ABCC8: variants seen among roughly 807,000 people sequenced by gnomAD.
ABCC8 encodes ATP binding cassette subfamily C member 8.
Under a neutral mutation model 188.0 loss-of-function variants are expected in ABCC8, and 137 were observed. The ratio of observed to expected loss-of-function variants is 0.73; its 90% CI spans 0.63 to 0.84. The LOEUF is 0.84. Ranked by LOEUF, ABCC8 falls within the 40% of genes least tolerant of loss-of-function variation. The probability of loss-of-function intolerance (pLI) is 0.00; values close to 1 mark genes in which losing one functional copy is unlikely to be tolerated. For missense variants in ABCC8, 1,750 were observed against 2,072.7 expected, an observed-to-expected ratio of 0.84 and a Z score of 3.02; for synonymous variants, 797 against 846.5, an observed-to-expected ratio of 0.94 and a Z score of 1.01.
chr11:17,398,393 G>T lies in ABCC8; in HGVS notation c.3699C>A (p.Asn1233Lys). Residue 1233 changes from asparagine to lysine, a missense_variant, in exon 30 of 39, where the codon AAC becomes AAA. Transcript: ENST00000389817. ...QQKLLEYTDS[N>K]NIASLFLTAA... ...CTGTGAGGAAGAGGGAAGCAATGTT[G>T]TTGGAGTCTGTGTATTCGAGAAGCT... 2 of 1,614,188 alleles carry T rather than the reference G, an allele frequency of 1.2e-6. No homozygotes were observed. The highest frequency in any genetic ancestry group is 1.7e-6 in the Non-Finnish European group (2 of 1,180,018).
chr11:17,403,744 A>G (rs1448184832), intron 28 of ABCC8, among the ~76,000 whole-genome samples: 2 of 152,230 alleles, frequency 1.3e-5, no homozygotes, highest in Non-Finnish European at 2.9e-5. Flanking sequence ...CAAAGGTTTC[A>G]TGAAGCAAAG....
intron 16 of ABCC8, among the ~76,000 whole-genome samples, chr11:17,424,235 G>C (rs887950914): frequency 9.2e-5 from 14 of 151,912 alleles, no homozygotes; most frequent in Non-Finnish European, 4.4e-5. Flanking sequence ...AAAGATGACA[G>C]GTTGATAGGT....
At position 17,474,898 on chromosome 11, in the gene ABCC8, A is replaced by G. The variant is rs758604661; in HGVS notation, c.278T>C (p.Ile93Thr). ...GACAGTCACTCACCCATCAGACAGGATGCCCTCTGCAATCTCACACACCAG... is the reference window on the plus strand; with the variant it reads ...GACAGTCACTCACCCATCAGACAGGGTGCCCTCTGCAATCTCACACACCAG... ...FVLVCEIAEG[I>T]LSDGVTESHH... The change falls in exon 2 of 39, where the codon ATC (isoleucine) becomes ACC (threonine). Residue 93 changes from isoleucine (I) to threonine (T), a missense_variant. Physicochemically the swap from Ile to Thr is moderately conservative, Grantham distance 89. Coordinates refer to ENST00000389817, the MANE Select transcript of ABCC8 (RefSeq NM_000352.6). 1.9e-6 allele frequency: 3 copies of G among 1,614,182 alleles called. No individual in the cohort carries two copies. The highest frequency in any genetic ancestry group is 2.5e-6 in the Non-Finnish European group (3 of 1,180,028).
intron 3 of ABCC8, among the ~76,000 whole-genome samples, chr11:17,466,680 A>AATCTTGGCTGGAGTGCAGTGGCACC (rs1848171665): frequency 6.6e-6 from 1 of 151,746 alleles, no homozygotes; most frequent in Non-Finnish European, 1.5e-5. Context: ...GCAGTGGCAC[A>AATCTTGGCTGGAGTGCAGTGGCACC]ATCTTGGCTG....
chr11:17,459,227 C>G (rs369432563), intron 6 of ABCC8, among the ~76,000 whole-genome samples: 10 of 152,216 alleles, frequency 6.6e-5, no homozygotes. Flanking sequence ...AATATACTCA[C>G]GCCAAAGGAT....
intron 3 of ABCC8, among the ~76,000 whole-genome samples, chr11:17,464,495 T>C (rs765953003): frequency 6.6e-6 from 1 of 152,236 alleles, no homozygotes; most frequent in Non-Finnish European, 1.5e-5. Context: ...CTTAGTTTCC[T>C]CATCCATTAA....
At position 17,427,195 on chromosome 11, in the gene ABCC8, G is replaced by A; in HGVS notation, c.2117-41C>T. 1 of 1,577,394 alleles carries A rather than the reference G, an allele frequency of 6.3e-7. No individual in the cohort carries two copies. The highest frequency in any genetic ancestry group is 8.6e-7 in the Non-Finnish European group (1 of 1,161,016). Reference sequence around the variant, plus strand: ...GTGGCAGATGTGAGTGGGGCCGGGGGAGTCTGAACAACCATTACCCAGAAA... The same window carrying A: ...GTGGCAGATGTGAGTGGGGCCGGGGAAGTCTGAACAACCATTACCCAGAAA... On this transcript the variant is annotated intron_variant, in intron 15 of 38. Coordinates refer to ENST00000389817, the MANE Select transcript of ABCC8 (RefSeq NM_000352.6). This position sits in a 1 kb window ranked among gnomAD's most constrained non-coding sequence, Gnocchi z 5.0.
chr11:17,470,675 A>G (rs144615237), intron 2 of ABCC8, among the ~76,000 whole-genome samples: 1 of 152,052 alleles, frequency 6.6e-6, no homozygotes, highest in Admixed American at 6.5e-5. Flanking sequence ...TCTTCATTAA[A>G]CCCCATCGAG....
intron 3 of ABCC8, among the ~76,000 whole-genome samples, chr11:17,467,830 G>T (rs1466842230): frequency 6.6e-6 from 1 of 152,244 alleles, no homozygotes; most frequent in Non-Finnish European, 1.5e-5. Context: ...CTTTCAAGGG[G>T]AGATAACTCC....
intron 7 of ABCC8, among the ~76,000 whole-genome samples, chr11:17,451,193 AAC>A (rs1364106844): frequency 3.3e-5 from 5 of 152,234 alleles, no homozygotes; most frequent in Non-Finnish European, 7.3e-5. Context: ...AAAACTGCCC[AAC>A]CACAAAAGTG....
intron 10 of ABCC8, among the ~76,000 whole-genome samples, chr11:17,440,279 G>A (rs1300143618): frequency 6.6e-6 from 1 of 152,118 alleles, no homozygotes. Flanking sequence ...TCCCACCTCG[G>A]CAGCTGTTCC....
Position 17,459,404 on chromosome 11 carries a change from T to C in ABCC8, c.1011+1084A>G, listed in dbSNP as rs568586460. 5.9e-5 allele frequency among the ~76,000 whole-genome samples: 9 copies of C among 152,274 alleles called. No homozygotes were observed. The South Asian group carries it at 1.7e-3, about 28-fold the overall frequency. On this transcript the variant is annotated intron_variant, in intron 6 of 38. Transcript: ENST00000389817. Reference sequence around the variant, plus strand: ...GGCACACAGCAGTGTTCAATGAAAGTTTGCTGCATAAATCAGACTCAACGT... The same window carrying C: ...GGCACACAGCAGTGTTCAATGAAAGCTTGCTGCATAAATCAGACTCAACGT...
At chr11:17,473,946 C>T (rs1848620417) in intron 2 of ABCC8, among the ~76,000 whole-genome samples, 1 of 152,150 alleles carries the variant, frequency 6.6e-6, no homozygotes, top group African/African-American at 2.4e-5. Context: ...CTCCATCGCT[C>T]CCCAGCCTGT....
chr11:17,425,684 C>T (rs1157078654), intron 16 of ABCC8, among the ~76,000 whole-genome samples: 2 of 152,106 alleles, frequency 1.3e-5, no homozygotes, highest in Non-Finnish European at 2.9e-5. Context: ...TTTTATTTTA[C>T]ATGCATCTTT....
At chr11:17,467,061 C>T (rs1848201676) in intron 3 of ABCC8, among the ~76,000 whole-genome samples, 1 of 151,112 alleles carries the variant, frequency 6.6e-6, no homozygotes, top group African/African-American at 2.4e-5. Flanking sequence ...CACACACACA[C>T]ACACACACAC....
chr11:17,395,514 T>A, intron 35 of ABCC8, 96 bp downstream of exon 35: 2 of 1,503,124 alleles, frequency 1.3e-6, no homozygotes, highest in Non-Finnish European at 1.8e-6. Flanking sequence ...ACCTCTGGGA[T>A]CCTGGTCTCC....
chr11:17,430,572 T>A, intron 12 of ABCC8: 1 of 547,484 alleles, frequency 1.8e-6, no homozygotes, highest in Non-Finnish European at 3.3e-6. Context: ...TAAGTTGTCG[T>A]GAAAGTGACA....
intron 16 of ABCC8, among the ~76,000 whole-genome samples, chr11:17,420,456 C>T (rs893075416): frequency 1.3e-5 from 2 of 152,322 alleles, no homozygotes; most frequent in East Asian, 3.9e-4. Flanking sequence ...TGTCTGTCAG[C>T]TGTCTCACCA....
At chr11:17,410,455 A>G in intron 22 of ABCC8, 61 bp downstream of exon 22, 2 of 1,576,106 alleles carry the variant, frequency 1.3e-6, no homozygotes, top group South Asian at 2.2e-5. Context: ...GTTCCTGCCA[A>G]GATGCCTGAC....
Sources: gnomAD v4.1 joint callset for allele counts (sites outside exome capture counted in the v4.1 genomes callset) on GRCh38, gnomAD v4.1.1 for gene constraint, Gnocchi (gnomAD v3.1) non-coding constraint, MANE v1.5 for transcripts, NCBI Gene and HGNC (gene_info 2026-07-23, HGNC 2026-07-21) for gene names.